CSNK2A1: variants seen among roughly 807,000 people sequenced by gnomAD.
The protein encoded by CSNK2A1 is casein kinase II subunit alpha.
A neutral mutation model predicts 62.9 loss-of-function variants in CSNK2A1; 10 were observed. The ratio of observed to expected loss-of-function variants is 0.16; its 90% CI spans 0.10 to 0.27. CSNK2A1 has a LOEUF of 0.27. Among genes scored for constraint, CSNK2A1 ranks in the 10% least tolerant of loss-of-function variants. CSNK2A1 has a pLI of 1.00. For missense variants in CSNK2A1, 160 were observed against 492.0 expected, an observed-to-expected ratio of 0.33 and a Z score of 6.38; for synonymous variants, 124 against 167.8, an observed-to-expected ratio of 0.74 and a Z score of 2.02.
intron 13 of CSNK2A1, among the ~76,000 whole-genome samples, chr20:485,613 C>T (rs1006161230): frequency 6.6e-6 from 1 of 152,200 alleles, no homozygotes; most frequent in African/African-American, 2.4e-5. Flanking sequence ...AACCAGTTTC[C>T]TACTGATAGC....
chr20:478,589 C>A lies in CSNK2A1; in HGVS notation c.*5372G>T. On this transcript the variant is annotated 3_prime_UTR_variant, in exon 14 of 14. Coordinates refer to ENST00000217244, the MANE Select transcript of CSNK2A1 (RefSeq NM_177559.3). ...ATGGACTGACCATCCTGTAAGCTTC[C>A]ATCTGGAGGTACCTGGGGAAGGGCT... is the stretch of plus-strand genomic sequence containing the variant. 1 of 387,094 alleles carries A rather than the reference C, an allele frequency of 2.6e-6. No homozygotes were observed. Among genetic ancestry groups the A allele is most frequent in the Admixed American group, 3.3e-5 (1 of 29,892 alleles). The allele number at this position is 387,094 out of a possible 1,614,324, so 24.0% of individuals were successfully genotyped here. A position where few individuals can be genotyped will look rare whatever the true frequency, so the allele number is the denominator to read the frequency against.
chr20:503,246 G>C, intron 4 of CSNK2A1: 1 of 363,602 alleles, frequency 2.8e-6, no homozygotes. Flanking sequence ...CCAGGCTCAA[G>C]CGATCCTCCC....
In CSNK2A1 at chr20:475,284, C is replaced by A. The variant is rs1402618042; in HGVS notation, c.*8677G>T. Reference sequence around the variant, plus strand: ...GACCAGCCTGGCCAACATGGTGAAACCCTGTTGTTTTGTAAAAATACAAAA... The same window carrying A: ...GACCAGCCTGGCCAACATGGTGAAAACCTGTTGTTTTGTAAAAATACAAAA... On this transcript the variant is annotated 3_prime_UTR_variant, in exon 14 of 14. Transcript: ENST00000217244. The A allele has an allele frequency of 1.3e-5, 2 of 152,078 alleles. No homozygotes were observed. The highest frequency in any genetic ancestry group is 4.8e-5 in the African/African-American group (2 of 41,384). The allele number at this position is 152,078 out of a possible 1,614,324, so 9.4% of individuals were successfully genotyped here.
intron 2 of CSNK2A1, among the ~76,000 whole-genome samples, chr20:521,224 A>T (rs1450342055): frequency 6.6e-6 from 1 of 152,226 alleles, no homozygotes; most frequent in Non-Finnish European, 1.5e-5. Flanking sequence ...AAACTCAATA[A>T]GAAAACAGCT....
rs34902417 is a variant in CSNK2A1, at chr20:529,190, A to ATT, written c.-226-1143_-226-1142dup. Among the ~76,000 whole-genome samples, 406 of 137,086 alleles carry ATT rather than the reference A, an allele frequency of 3.0e-3. 2 individuals are homozygous for ATT. The highest frequency in any genetic ancestry group is 7.4e-3 in the Middle Eastern group (2 of 270). 89.9% of individuals were successfully genotyped at this position (137,086 alleles called of 152,430 possible). On this transcript the variant is annotated intron_variant, in intron 1 of 13. Transcript: ENST00000217244. ...CGGGCATGCACCACCACTCCTGGCT[A>ATT]TTTTTTTTTTTTTTTTGTAAAGAAG...
In CSNK2A1 at chr20:477,352, C is replaced by T. The variant is rs2017866825; in HGVS notation, c.*6609G>A. On this transcript the variant is annotated 3_prime_UTR_variant, in exon 14 of 14. Transcript: ENST00000217244. ...TAGCTAGGACACAGGCGCACACCAC[C>T]ACACTCAGCTAATCTATTTTTTGTA... 6.6e-6 allele frequency: 1 copy of T among 152,252 alleles called. No individual in the cohort carries two copies. The highest frequency in any genetic ancestry group is 1.5e-5 in the Non-Finnish European group (1 of 68,096). The allele number at this position is 152,252 out of a possible 1,614,324, so 9.4% of individuals were successfully genotyped here.
At chr20:521,000 T>C (rs1299014225) in intron 2 of CSNK2A1, among the ~76,000 whole-genome samples, 2 of 152,008 alleles carry the variant, frequency 1.3e-5, no homozygotes, top group Non-Finnish European at 2.9e-5. Context: ...AAGATATAAA[T>C]GTAAAATTAT....
rs1354918113 is a variant in CSNK2A1, at chr20:480,457, C to A, written c.*3504G>T. On this transcript the variant is annotated 3_prime_UTR_variant, in exon 14 of 14. Coordinates refer to ENST00000217244, the MANE Select transcript of CSNK2A1 (RefSeq NM_177559.3). ...AAACAAAAGGTTTTAATGAGGATTGCATAAGACATGCAAGGTCACCAGGGA... is the reference window on the plus strand; with the variant it reads ...AAACAAAAGGTTTTAATGAGGATTGAATAAGACATGCAAGGTCACCAGGGA... 1 of 151,320 alleles carries A rather than the reference C, an allele frequency of 6.6e-6. No homozygotes were observed. The highest frequency in any genetic ancestry group is 1.5e-5 in the Non-Finnish European group (1 of 67,954). 9.4% of individuals were successfully genotyped at this position (151,320 alleles called of 1,614,324 possible). A position where few individuals can be genotyped will look rare whatever the true frequency, so the allele number is the denominator to read the frequency against.
rs537620603 is a variant in CSNK2A1 at position 521,989 on chromosome 20, G to A, written c.-110+5944C>T. On this transcript the variant is annotated intron_variant, in intron 2 of 13. Coordinates refer to ENST00000217244, the MANE Select transcript of CSNK2A1 (RefSeq NM_177559.3). ...TCCCCAATCCCCGGGCCATGGGCCT[G>A]TACCAGTTCATGGCCTGTTAGGAAC... 9.2e-5 allele frequency among the ~76,000 whole-genome samples: 14 copies of A among 152,342 alleles called. No homozygotes were observed. In the South Asian group the frequency reaches 2.7e-3, roughly 29 times the overall value.
rs2017893978 is a variant in CSNK2A1 at position 478,550 on chromosome 20, A to G, written c.*5411T>C. ...CTCAGAAATACTCAATCCCCCCAGG[A>G]ACTTCTCTAAGAAATGGACTGACCA... On this transcript the variant is annotated 3_prime_UTR_variant, in exon 14 of 14. Coordinates refer to ENST00000217244, the MANE Select transcript of CSNK2A1 (RefSeq NM_177559.3). 1 of 312,636 alleles carries G rather than the reference A, an allele frequency of 3.2e-6. No homozygotes were observed. The highest frequency in any genetic ancestry group is 6.2e-6 in the Non-Finnish European group (1 of 160,402). The allele number at this position is 312,636 out of a possible 1,614,324, so 19.4% of individuals were successfully genotyped here. A position where few individuals can be genotyped will look rare whatever the true frequency, so the allele number is the denominator to read the frequency against.
chr20:503,316 C>T (rs892138485), intron 4 of CSNK2A1: 5 of 394,618 alleles, frequency 1.3e-5, no homozygotes, highest in African/African-American at 1.0e-4. Context: ...AGCCAACATT[C>T]TTTTTAATAG....
chr20:543,597 G>A, intron 1 of CSNK2A1, 75 bp downstream of exon 1: 1 of 397,194 alleles, frequency 2.5e-6, no homozygotes, highest in East Asian at 3.6e-5. Context: ...AAGCGTGAGG[G>A]TCGGCCGCGC....
rs1568532386 is a variant in CSNK2A1 at position 508,564 on chromosome 20, G to C, written c.-13C>G. The C allele has an allele frequency of 2.5e-6, 4 of 1,608,764 alleles. No homozygotes were observed. The highest frequency in any genetic ancestry group is 1.3e-5 in the African/African-American group (1 of 74,908). ...CGGGTCCCGACATGTCAGACAGGTT[G>C]GCGGACAAAGCTGGACTTGATGTTT... is the stretch of plus-strand genomic sequence containing the variant. On this transcript the variant is annotated 5_prime_UTR_variant, in exon 3 of 14. Transcript: ENST00000217244.
Position 475,576 on chromosome 20 carries a change from T to G in CSNK2A1, c.*8385A>C, listed in dbSNP as rs2017833575. On this transcript the variant is annotated 3_prime_UTR_variant, in exon 14 of 14. Transcript: ENST00000217244. ...GATATATATGAATAGTATGGCTGATTGCATTATTGGTTTGTTTCTTCATTC... is the reference window on the plus strand; with the variant it reads ...GATATATATGAATAGTATGGCTGATGGCATTATTGGTTTGTTTCTTCATTC... The G allele has an allele frequency of 6.6e-6, 1 of 152,194 alleles. No homozygotes were observed. The highest frequency in any genetic ancestry group is 6.5e-5 in the Admixed American group (1 of 15,276). The allele number at this position is 152,194 out of a possible 1,614,324, so 9.4% of individuals were successfully genotyped here.
In CSNK2A1 at chr20:511,953, C is replaced by A. The variant is rs144742138; in HGVS notation, c.-109-3293G>T. The stretch of plus-strand genomic sequence containing the variant: ...GCATATTGTTTCAACAAGCTGGGCA[C>A]GGTGGCTCACTCCTATACAGCAACT... On this transcript the variant is annotated intron_variant, in intron 2 of 13. Transcript: ENST00000217244. 1.2e-4 allele frequency among the ~76,000 whole-genome samples: 18 copies of A among 152,274 alleles called. No homozygotes were observed. In the East Asian group the frequency reaches 3.5e-3, roughly 29 times the overall value.
intron 12 of CSNK2A1, 157 bp from the exon 13 acceptor site, chr20:486,619 T>C (rs1310040169): frequency 4.5e-6 from 3 of 667,222 alleles, no homozygotes; most frequent in Non-Finnish European, 7.2e-6. Context: ...CACCATGAAT[T>C]AGACAAGTGG....
rs150841083 is a variant in CSNK2A1, at chr20:503,249, A to C, written c.213+1869T>G. 3,508 of 369,294 alleles carry C rather than the reference A, an allele frequency of 9.5e-3. 41 individuals are homozygous for C. The highest frequency in any genetic ancestry group is 0.013 in the Non-Finnish European group (2,622 of 208,026). The allele number at this position is 369,294 out of a possible 1,614,324, so 22.9% of individuals were successfully genotyped here. ...AACCTTCAACTTCCAGGCTCAAGCG[A>C]TCCTCCCACTTTAGCCCCTCGAGGA... is the stretch of plus-strand genomic sequence containing the variant. On this transcript the variant is annotated intron_variant, in intron 4 of 13. Transcript: ENST00000217244.
At chr20:509,918 G>C (rs1398680554) in intron 2 of CSNK2A1, among the ~76,000 whole-genome samples, 1 of 152,142 alleles carries the variant, frequency 6.6e-6, no homozygotes, top group African/African-American at 2.4e-5. Context: ...AGAAAAAGAG[G>C]AAGTGTCTAT....
At chr20:536,455 G>T (rs2019325937) in intron 1 of CSNK2A1, among the ~76,000 whole-genome samples, 1 of 152,154 alleles carries the variant, frequency 6.6e-6, no homozygotes. Flanking sequence ...TCCTGAGGTA[G>T]GTACTACTAA....
Sources: gnomAD v4.1 joint callset for allele counts (sites outside exome capture counted in the v4.1 genomes callset) on GRCh38, gnomAD v4.1.1 for gene constraint, MANE v1.5 for transcripts, NCBI Gene and HGNC (gene_info 2026-07-23, HGNC 2026-07-21) for gene names.